The following ZCCHC14 variants were observed in gnomAD, a reference collection of about 807,000 sequenced individuals.
ZCCHC14 encodes zinc finger CCHC-type containing 14.
ZCCHC14 carries 16 observed loss-of-function variants against 85.0 expected under a neutral mutation model. That is an observed-to-expected ratio of 0.19 (90% CI 0.13 to 0.29). The LOEUF is 0.29. ZCCHC14 is among the 10% of genes least tolerant of loss of function. ZCCHC14 has a pLI of 1.00. For missense variants in ZCCHC14, 1,303 were observed against 1,443.5 expected (o/e 0.90, Z 1.58); for synonymous variants, 775 against 630.7 (o/e 1.23, Z -3.43).
At chr16:87,482,476 A>T (rs891653083) in intron 1 of ZCCHC14, among the ~76,000 whole-genome samples, 128 of 152,348 alleles carry the variant, frequency 8.4e-4, no homozygotes, top group African/African-American at 3.0e-3. Flanking sequence ...AGGCTGCAGA[A>T]GCCACCATCC....
intron 3 of ZCCHC14, among the ~76,000 whole-genome samples, chr16:87,432,415 C>G (rs1909708148): frequency 1.3e-5 from 2 of 152,202 alleles, no homozygotes; most frequent in South Asian, 4.1e-4. Flanking sequence ...TCAAGCCTGC[C>G]TTTCTTCCTC....
chr16:87,480,416 A>T (rs1471441546), intron 1 of ZCCHC14, among the ~76,000 whole-genome samples: 2 of 152,156 alleles, frequency 1.3e-5, no homozygotes, highest in African/African-American at 4.8e-5. Flanking sequence ...AAAAATAAAT[A>T]AATAAAAATG....
chr16:87,479,487 G>C (rs1368605657), intron 1 of ZCCHC14, among the ~76,000 whole-genome samples: 2 of 151,296 alleles, frequency 1.3e-5, no homozygotes, highest in Admixed American at 6.6e-5. Context: ...TTATGCAAAT[G>C]TCCCAAATAA....
rs535355954 is a variant in ZCCHC14 at position 87,469,970 on chromosome 16, T to C, written c.571-9839A>G. Among the ~76,000 whole-genome samples the C allele has an allele frequency of 1.1e-4, 16 of 152,300 alleles. No individual in the cohort carries two copies. In the East Asian group the frequency reaches 3.1e-3, roughly 29 times the overall value. On this transcript the variant is annotated intron_variant, in intron 1 of 12. Transcript: ENST00000671377. ...AAACCAGTGCACTTGCCAGGCACAGTGGCTCACGCCTGCAATCCCAGCACT... is the reference window on the plus strand; with the variant it reads ...AAACCAGTGCACTTGCCAGGCACAGCGGCTCACGCCTGCAATCCCAGCACT...
intron 2 of ZCCHC14, among the ~76,000 whole-genome samples, chr16:87,441,856 G>T (rs1417414136): frequency 6.6e-6 from 1 of 152,202 alleles, no homozygotes; most frequent in African/African-American, 2.4e-5. Flanking sequence ...CTGGTTCCAG[G>T]TAAGACGGAG....
intron 1 of ZCCHC14, among the ~76,000 whole-genome samples, chr16:87,468,908 C>T (rs1167447192): frequency 1.3e-5 from 2 of 152,178 alleles, no homozygotes; most frequent in East Asian, 3.8e-4. Flanking sequence ...TTGAGTACTG[C>T]GTCTGCATGT....
rs1050863 is a variant in ZCCHC14, at chr16:87,407,289, G to C, written c.*2991C>G. ...CTACTGTATTAACAAGCTGACTCCT[G>C]TAATCTTTTGGAGATGACAGATGAT... is the stretch of plus-strand genomic sequence containing the variant. On this transcript the variant is annotated 3_prime_UTR_variant, in exon 13 of 13. Transcript: ENST00000671377. 2 of 152,096 alleles carry C rather than the reference G, an allele frequency of 1.3e-5. No homozygotes were observed. The highest frequency in any genetic ancestry group is 1.3e-4 in the Admixed American group (2 of 15,282). The allele number at this position is 152,096 out of a possible 1,614,324, so 9.4% of individuals were successfully genotyped here. A position where few individuals can be genotyped will look rare whatever the true frequency, so the allele number is the denominator to read the frequency against.
At chr16:87,440,008 T>C (rs989789073) in intron 2 of ZCCHC14, among the ~76,000 whole-genome samples, 1 of 152,198 alleles carries the variant, frequency 6.6e-6, no homozygotes. Context: ...GGCCTGCCTA[T>C]GTTACCCAGG....
chr16:87,417,154 G>C (rs1362670428), intron 8 of ZCCHC14, among the ~76,000 whole-genome samples: 1 of 152,204 alleles, frequency 6.6e-6, no homozygotes, highest in Non-Finnish European at 1.5e-5. Flanking sequence ...CACCGTGCCA[G>C]AGCTCAGGAT....
At chr16:87,487,558 G>C (rs1260996424) in intron 1 of ZCCHC14, among the ~76,000 whole-genome samples, 2 of 152,218 alleles carry the variant, frequency 1.3e-5, no homozygotes, top group Non-Finnish European at 2.9e-5. Context: ...TCTGCACACG[G>C]CACCTAGCAA....
At chr16:87,479,187 C>A (rs1912156422) in intron 1 of ZCCHC14, among the ~76,000 whole-genome samples, 2 of 151,962 alleles carry the variant, frequency 1.3e-5, no homozygotes, top group South Asian at 4.1e-4. Context: ...GAGGCTGAGG[C>A]GGGCAGATCA....
chr16:87,437,433 C>T (rs1291579617), intron 2 of ZCCHC14, among the ~76,000 whole-genome samples: 6 of 151,884 alleles, frequency 4.0e-5, no homozygotes. Context: ...ACAGGATCCG[C>T]GCTGGCCAGA....
At chr16:87,472,723 C>T (rs1023044491) in intron 1 of ZCCHC14, 2 of 152,246 alleles carry the variant, frequency 1.3e-5, no homozygotes, top group African/African-American at 4.8e-5. Context: ...CCTTCCCCCT[C>T]AAGAAAAATG....
intron 2 of ZCCHC14, among the ~76,000 whole-genome samples, chr16:87,442,583 T>C (rs1042228078): frequency 6.6e-6 from 1 of 151,652 alleles, no homozygotes; most frequent in Non-Finnish European, 1.5e-5. Context: ...GAAAAAAAAA[T>C]TAAAACTTTA....
At chr16:87,436,708 C>T (rs545293738) in intron 2 of ZCCHC14, among the ~76,000 whole-genome samples, 11 of 152,090 alleles carry the variant, frequency 7.2e-5, no homozygotes, top group East Asian at 3.8e-4. Flanking sequence ...ATCCTGCACA[C>T]GTACCCCAGA....
chr16:87,441,557 C>T (rs897051809), intron 2 of ZCCHC14, among the ~76,000 whole-genome samples: 3 of 152,144 alleles, frequency 2.0e-5, no homozygotes, highest in Non-Finnish European at 2.9e-5. Flanking sequence ...ACTGGTGTTA[C>T]TCCATTTGTG....
chr16:87,442,291 C>T (rs936529070), intron 2 of ZCCHC14, among the ~76,000 whole-genome samples: 1 of 152,232 alleles, frequency 6.6e-6, no homozygotes, highest in Non-Finnish European at 1.5e-5. Context: ...CCACAGAAGG[C>T]TGCACAGTAC....
chr16:87,413,332 G>A (rs566439626), intron 10 of ZCCHC14, 137 bp from the exon 11 acceptor site: 16 of 1,235,050 alleles, frequency 1.3e-5, no homozygotes, highest in East Asian at 7.7e-5. Flanking sequence ...AAACGAACAC[G>A]CCGGCCCAGG....
intron 1 of ZCCHC14, chr16:87,467,636 G>C (rs1911587051): frequency 1.0e-6 from 1 of 1,002,358 alleles, no homozygotes; most frequent in African/African-American, 1.6e-5. Flanking sequence ...TGGGGACTCT[G>C]AATTTCCCTG....
Sources: allele counts gnomAD v4.1 joint callset (sites outside exome capture counted in the v4.1 genomes callset), GRCh38; gene constraint gnomAD v4.1.1; transcripts MANE v1.5; gene names NCBI Gene and HGNC (gene_info 2026-07-23, HGNC 2026-07-21).